The following PHLPP2 variants were observed in gnomAD, a reference collection of about 807,000 sequenced individuals.
The protein encoded by PHLPP2 is PH domain and leucine rich repeat protein phosphatase 2.
PHLPP2 carries 66 observed loss-of-function variants against 124.9 expected under a neutral mutation model. The observed-to-expected ratio is 0.53, with a 90% CI of 0.43 to 0.65. The LOEUF (loss-of-function observed/expected upper bound fraction) is 0.65. PHLPP2 is among the 30% of genes least tolerant of loss of function. PHLPP2 has a pLI of 0.00. For missense variants in PHLPP2, 1,685 were observed against 1,600.4 expected (o/e 1.05, Z -0.90); for synonymous variants, 681 against 624.7 (o/e 1.09, Z -1.34).
intron 12 of PHLPP2, among the ~76,000 whole-genome samples, chr16:71,665,505 A>C (rs560500804): frequency 8.7e-4 from 132 of 152,282 alleles, no homozygotes; most frequent in Admixed American, 1.4e-3. Context: ...TTATTACTAA[A>C]CTTGTGTGTT....
intron 16 of PHLPP2, among the ~76,000 whole-genome samples, chr16:71,655,750 A>G (rs900065599): frequency 1.3e-5 from 2 of 152,148 alleles, no homozygotes; most frequent in African/African-American, 4.8e-5. Context: ...TTGGCCTCCC[A>G]AAGTCCTGGG....
rs1206608198 is a variant in PHLPP2, at chr16:71,656,680, G to A, written c.2281C>T (p.His761Tyr). 2 of 1,549,182 alleles carry A rather than the reference G, an allele frequency of 1.3e-6. No homozygotes were observed. The highest frequency in any genetic ancestry group is 1.7e-5 in the Admixed American group (1 of 59,924). The change falls in exon 16 of 19, where the codon CAT becomes TAT. Residue 761 changes from histidine (H) to tyrosine (Y), a missense_variant and splice_region_variant. Transcript: ENST00000568954. ...TGATCAATTTTCAGGGTTGTGATAT[G>A]GCTGTGGGAGGTGAAGGAAGATTAA... ...LEHKTLDIFS[H>Y]ITTLKIDQKP...
intron 3 of PHLPP2, 99 bp downstream of exon 3, chr16:71,702,499 G>T: frequency 9.8e-7 from 1 of 1,019,946 alleles, no homozygotes; most frequent in Non-Finnish European, 1.4e-6. Flanking sequence ...CTTAAAACTA[G>T]CTTTTGATAA....
At chr16:71,661,554 T>C (rs528202667) in intron 13 of PHLPP2, among the ~76,000 whole-genome samples, 1 of 152,234 alleles carries the variant, frequency 6.6e-6, no homozygotes, top group African/African-American at 2.4e-5. Context: ...ATGAACATAT[T>C]TGAGGTCAAT....
chr16:71,659,872 G>A (rs1007019269), intron 13 of PHLPP2, among the ~76,000 whole-genome samples: 2 of 152,116 alleles, frequency 1.3e-5, no homozygotes, highest in Admixed American at 1.3e-4. Flanking sequence ...CCAGCAATCT[G>A]AAAGAATCAC....
At chr16:71,672,068 T>A (rs1447569681) in intron 10 of PHLPP2, among the ~76,000 whole-genome samples, 194 bp downstream of exon 10, 1 of 152,194 alleles carries the variant, frequency 6.6e-6, no homozygotes, top group Non-Finnish European at 1.5e-5. Flanking sequence ...ACAGACACCT[T>A]ACTATTTCAA....
chr16:71,674,206 T>C (rs769905316), intron 9 of PHLPP2, among the ~76,000 whole-genome samples: 1 of 151,960 alleles, frequency 6.6e-6, no homozygotes, highest in African/African-American at 2.4e-5. Context: ...GCCTCCCGAA[T>C]AGCTGGGATT....
Position 71,672,733 on chromosome 16 carries a change from C to T in PHLPP2, c.1472-411G>A, listed in dbSNP as rs984262697. ...TGAACACACTAGTGGAACCAACACCCGGATCAAGAAACAGAACATTACCAG... is the reference window on the plus strand; with the variant it reads ...TGAACACACTAGTGGAACCAACACCTGGATCAAGAAACAGAACATTACCAG... On this transcript the variant is annotated intron_variant, in intron 9 of 18. Transcript: ENST00000568954. 3.3e-5 allele frequency among the ~76,000 whole-genome samples: 5 copies of T among 152,294 alleles called. No homozygotes were observed. The East Asian group carries it at 5.8e-4, about 18-fold the overall frequency.
intron 16 of PHLPP2, among the ~76,000 whole-genome samples, chr16:71,655,692 A>G (rs2044736384): frequency 2.0e-5 from 3 of 151,700 alleles, no homozygotes; most frequent in Admixed American, 1.3e-4. Context: ...TTTAGTAGAG[A>G]TGTTAGCCAG....
At chr16:71,712,033 TTGAG>T (rs1567629811) in intron 2 of PHLPP2, among the ~76,000 whole-genome samples, 1 of 152,258 alleles carries the variant, frequency 6.6e-6, no homozygotes, top group East Asian at 1.9e-4. Context: ...CTGCCTGTCC[TTGAG>T]CAGGTTACTG....
intron 3 of PHLPP2, among the ~76,000 whole-genome samples, chr16:71,691,646 C>T (rs763205194): frequency 1.3e-5 from 2 of 151,940 alleles, no homozygotes; most frequent in Non-Finnish European, 2.9e-5. Flanking sequence ...TGTACATAAT[C>T]CTCCATCTCT....
rs1174610623 is a variant in PHLPP2 at position 71,676,410 on chromosome 16, G to A, written c.1471+37C>T. On this transcript the variant is annotated intron_variant, in intron 9 of 18. Transcript: ENST00000568954. ...TTCTCAGAAAGCACTGACAACAGCTGAAAGAGAAAAAACAAAAGGCTGCAG... is the reference window on the plus strand; with the variant it reads ...TTCTCAGAAAGCACTGACAACAGCTAAAAGAGAAAAAACAAAAGGCTGCAG... The A allele has an allele frequency of 2.6e-6, 4 of 1,553,254 alleles. No homozygotes were observed. In the African/African-American group the frequency reaches 4.1e-5, roughly 16 times the overall value.
At chr16:71,657,445 A>C (rs1011016048) in intron 15 of PHLPP2, among the ~76,000 whole-genome samples, 23 of 150,182 alleles carry the variant, frequency 1.5e-4, no homozygotes, top group South Asian at 2.1e-4. Context: ...CCCAGGCTGG[A>C]GTGCAGTGGC....
At chr16:71,722,587 T>A (rs1451415185) in intron 1 of PHLPP2, among the ~76,000 whole-genome samples, 1 of 152,236 alleles carries the variant, frequency 6.6e-6, no homozygotes, top group African/African-American at 2.4e-5. Flanking sequence ...TCATAACATG[T>A]AAATACTGCT....
At chr16:71,698,296 T>G (rs191738278) in intron 3 of PHLPP2, among the ~76,000 whole-genome samples, 16 of 152,320 alleles carry the variant, frequency 1.1e-4, no homozygotes, top group Non-Finnish European at 2.4e-4. Flanking sequence ...TCAGCCCCCA[T>G]GTCTTCAAAT....
intron 1 of PHLPP2, among the ~76,000 whole-genome samples, chr16:71,717,447 T>C (rs1489769229): frequency 2.0e-5 from 3 of 152,204 alleles, no homozygotes; most frequent in Non-Finnish European, 2.9e-5. Flanking sequence ...AATCTAACTT[T>C]AGAGAAGTAG....
At chr16:71,684,946 T>C (rs369562579) in intron 4 of PHLPP2, among the ~76,000 whole-genome samples, 20 of 152,224 alleles carry the variant, frequency 1.3e-4, no homozygotes, top group Admixed American at 6.5e-4. Flanking sequence ...AATTCAAATC[T>C]CTTTACTAGG....
At chr16:71,691,366 C>A (rs1010795024) in intron 3 of PHLPP2, among the ~76,000 whole-genome samples, 22 of 151,992 alleles carry the variant, frequency 1.4e-4, no homozygotes, top group African/African-American at 5.3e-4. Context: ...GAAGCTGAGG[C>A]AGGAGAATGG....
At chr16:71,693,880 A>T (rs1482439896) in intron 3 of PHLPP2, among the ~76,000 whole-genome samples, 1 of 152,142 alleles carries the variant, frequency 6.6e-6, no homozygotes, top group Admixed American at 6.5e-5. Flanking sequence ...AGCTAGCAAA[A>T]TATATCATAT....
Sources: gnomAD v4.1 joint callset for allele counts (sites outside exome capture counted in the v4.1 genomes callset) on GRCh38, gnomAD v4.1.1 for gene constraint, MANE v1.5 for transcripts, NCBI Gene and HGNC (gene_info 2026-07-23, HGNC 2026-07-21) for gene names.